LRRC9: variants seen among roughly 807,000 people sequenced by gnomAD.
LRRC9 encodes leucine rich repeat containing 9.
A neutral mutation model predicts 63.2 loss-of-function variants in LRRC9; 122 were observed. The ratio of observed to expected loss-of-function variants is 1.93; its 90% confidence interval spans 1.67 to 2.24. The LOEUF (loss-of-function observed/expected upper bound fraction) is 2.24, where lower values mean the gene tolerates loss of function less well. LRRC9 is among the 30% of genes most tolerant of loss of function. The pLI, the probability that LRRC9 is intolerant of heterozygous loss-of-function variation, is 0.00. For missense variants in LRRC9, 1,071 were observed against 627.7 expected, an observed-to-expected ratio of 1.71 and a Z score of -7.55; for synonymous variants, 366 against 213.1, an observed-to-expected ratio of 1.72 and a Z score of -6.25.
In LRRC9 at chr14:59,966,655, T is replaced by A. The variant is rs1884886871; in HGVS notation, c.1278T>A (p.Ile426=). 1 of 698,300 alleles carries A rather than the reference T, an allele frequency of 1.4e-6. No individual in the cohort carries two copies. The highest frequency in any genetic ancestry group is 1.8e-5 in the African/African-American group (1 of 57,036). 43.3% of individuals were successfully genotyped at this position (698,300 alleles called of 1,614,324 possible). Residue 426 remains isoleucine, a synonymous_variant, in exon 11 of 32, where the codon ATT becomes ATA. Transcript: ENST00000445360. The surrounding 1 kb of genome is among the most constrained non-coding windows in gnomAD (Gnocchi z 4.0). ...CCTGGGACTTCAGAACATACGGTAT[T>A]ACAGGAGTAAAAGTAAAACGCATCA... is the stretch of plus-strand genomic sequence containing the variant.
At chr14:59,952,969 C>T (rs1883336336) in intron 8 of LRRC9, among the ~76,000 whole-genome samples, 1 of 152,188 alleles carries the variant, frequency 6.6e-6, no homozygotes, top group Non-Finnish European at 1.5e-5. Context: ...TCATCCATGT[C>T]CCTGCAAAGG....
rs1448644230 is a variant in LRRC9, at chr14:59,930,148, C to G, written c.268-770C>G. Among the ~76,000 whole-genome samples, 1 of 152,014 alleles carries G rather than the reference C, an allele frequency of 6.6e-6. No individual in the cohort carries two copies. The highest frequency in any genetic ancestry group is 6.6e-5 in the Admixed American group (1 of 15,228). On this transcript the variant is annotated intron_variant, in intron 3 of 31. Coordinates refer to ENST00000445360, the Ensembl canonical transcript of LRRC9. This position sits in a 1 kb window ranked among gnomAD's most constrained non-coding sequence, Gnocchi z 4.9. ...GGGATTAAAACATAAACATATTCTACTTTTTAGTAATCAAATCATAACCAG... is the reference window on the plus strand; with the variant it reads ...GGGATTAAAACATAAACATATTCTAGTTTTTAGTAATCAAATCATAACCAG...
chr14:59,990,077 AC>A lies in LRRC9; in HGVS notation c.2211+4855del, dbSNP rs1417229616. Among the ~76,000 whole-genome samples the A allele has an allele frequency of 6.6e-6, 1 of 151,972 alleles. No individual in the cohort carries two copies. The highest frequency in any genetic ancestry group is 1.5e-5 in the Non-Finnish European group (1 of 67,992). The stretch of plus-strand genomic sequence containing the variant: ...CGACTAGATGGGATTACAGGTGCAC[AC>A]CACCACACCCAGCTAACTTTGTATT... On this transcript the variant is annotated intron_variant, in intron 17 of 31. Transcript: ENST00000445360. This position sits in a 1 kb window ranked among gnomAD's most constrained non-coding sequence, Gnocchi z 4.2.
At chr14:59,926,661 TAC>T (rs1365327350) in intron 1 of LRRC9, among the ~76,000 whole-genome samples, 9 of 152,204 alleles carry the variant, frequency 5.9e-5, no homozygotes, top group Non-Finnish European at 1.5e-5. Context: ...CTTCTAACAC[TAC>T]AGTTTGTTTT....
At chr14:60,057,180 C>T (rs1019208745) in intron 30 of LRRC9, among the ~76,000 whole-genome samples, 26 of 152,092 alleles carry the variant, frequency 1.7e-4, no homozygotes, top group African/African-American at 6.0e-4. Flanking sequence ...TCAGAATTCA[C>T]ACATATAAAC....
intron 30 of LRRC9, among the ~76,000 whole-genome samples, chr14:60,055,477 T>C (rs1308874583): frequency 2.0e-5 from 3 of 152,222 alleles, no homozygotes; most frequent in Non-Finnish European, 4.4e-5. Context: ...ATGCCACCTG[T>C]ATTAGTTTCA....
chr14:59,941,520 AATAAGT>A lies in LRRC9; in HGVS notation c.726+2956_726+2961del, dbSNP rs917029827. On this transcript the variant is annotated intron_variant, in intron 7 of 31. Coordinates refer to ENST00000445360, the Ensembl canonical transcript of LRRC9. The stretch of plus-strand genomic sequence containing the variant: ...TAATAAAGATGTTTTGGGATAATTA[AATAAGT>A]ATAAGTAAGTTTAGTAAGTATTATG... Among the ~76,000 whole-genome samples, 64 of 152,066 alleles carry A rather than the reference AATAAGT, an allele frequency of 4.2e-4. 1 individual carries two copies. Among genetic ancestry groups the A allele is most frequent in the African/African-American group, 1.3e-3 (54 of 41,546 alleles).
chr14:59,997,701 C>G lies in LRRC9; in HGVS notation c.2257C>G (p.Leu753Val), dbSNP rs894509201. Residue 753 changes from leucine (L) to valine (V), a missense_variant, in exon 18 of 32, where the codon CTT becomes GTT. By Grantham distance (32) the Leu-to-Val change is conservative (BLOSUM62 1). Transcript: ENST00000445360. ...TGCAAGCCATAACCATGTGATAACC[C>G]TTGAGGGATTTAGAGGTCTGATGAA... The G allele has an allele frequency of 2.4e-5, 17 of 702,158 alleles. No individual in the cohort carries two copies. In the African/African-American group the frequency reaches 2.8e-4, roughly 12 times the overall value. The allele number at this position is 702,158 out of a possible 1,614,324, so 43.5% of individuals were successfully genotyped here.
chr14:59,960,869 T>C (rs760270853), intron 9 of LRRC9, 45 bp from the exon 10 acceptor site: 3 of 530,652 alleles, frequency 5.7e-6, no homozygotes, highest in Non-Finnish European at 1.0e-5. Context: ...AATGTTGCGA[T>C]TTTTAGATCA....
intron 12 of LRRC9, among the ~76,000 whole-genome samples, chr14:59,971,222 G>A (rs1594902495): frequency 2.0e-5 from 3 of 152,100 alleles, no homozygotes; most frequent in South Asian, 4.1e-4. Context: ...CAGCTTTGTT[G>A]AAAATGAAAT....
At chr14:59,945,310 C>T (rs1034007867) in intron 8 of LRRC9, among the ~76,000 whole-genome samples, 6 of 151,822 alleles carry the variant, frequency 4.0e-5, no homozygotes, top group African/African-American at 7.2e-5. Context: ...TAACTCAAAA[C>T]GGAATCTTGT....
In LRRC9 at chr14:59,951,988, C is replaced by T. The variant is rs1235057803; in HGVS notation, c.882+7244C>T. Among the ~76,000 whole-genome samples, 11 of 151,942 alleles carry T rather than the reference C, an allele frequency of 7.2e-5. No homozygotes were observed. The East Asian group carries it at 1.4e-3, about 19-fold the overall frequency. On this transcript the variant is annotated intron_variant, in intron 8 of 31. Coordinates refer to ENST00000445360, the Ensembl canonical transcript of LRRC9. ...GCCCTGCCCCCAGAGGTGGAGCCTA[C>T]AGAGGCAGGCAGGCCTCCTTGAGCT... is the stretch of plus-strand genomic sequence containing the variant.
intron 8 of LRRC9, among the ~76,000 whole-genome samples, chr14:59,949,056 A>G (rs1201098131): frequency 2.9e-5 from 3 of 103,340 alleles, no homozygotes; most frequent in Non-Finnish European, 3.9e-5. Context: ...CTCTTTTTCT[A>G]TTGATTGGAA....
At chr14:60,026,690 G>A (rs1891581642) in intron 27 of LRRC9, among the ~76,000 whole-genome samples, 1 of 151,910 alleles carries the variant, frequency 6.6e-6, no homozygotes, top group Non-Finnish European at 1.5e-5. Context: ...TGAGAGATAG[G>A]GGTCAAGTTT....
At position 59,986,610 on chromosome 14, in the gene LRRC9, A is replaced by T. The variant is rs1887498980; in HGVS notation, c.2211+1386A>T. 6.6e-6 allele frequency among the ~76,000 whole-genome samples: 1 copy of T among 152,032 alleles called. No homozygotes were observed. Among genetic ancestry groups the T allele is most frequent in the Non-Finnish European group, 1.5e-5 (1 of 67,984 alleles). ...TTGGTATTTTTATTTTTTTCTATTT[A>T]TTTGCCAGCACTTCCAAAATTACGA... is the stretch of plus-strand genomic sequence containing the variant. On this transcript the variant is annotated intron_variant, in intron 17 of 31. Transcript: ENST00000445360. This position sits in a 1 kb window ranked among gnomAD's most constrained non-coding sequence, Gnocchi z 4.7.
chr14:59,996,198 TG>T (rs1360270237), intron 17 of LRRC9, among the ~76,000 whole-genome samples: 1 of 152,070 alleles, frequency 6.6e-6, no homozygotes, highest in East Asian at 1.9e-4. Context: ...TACTTAAAGG[TG>T]TTTTTTTTTT....
chr14:60,034,441 G>A (rs997943715), intron 29 of LRRC9, among the ~76,000 whole-genome samples: 1 of 151,938 alleles, frequency 6.6e-6, no homozygotes, highest in African/African-American at 2.4e-5. Flanking sequence ...TAAATGTCCA[G>A]TTTAGTGGAA....
At chr14:60,050,097 AGTGATT>A (rs533865507) in intron 29 of LRRC9, among the ~76,000 whole-genome samples, 3,164 of 152,210 alleles carry the variant, frequency 0.021, 60 homozygotes, top group South Asian at 0.05. Context: ...CCTGGGTTCA[AGTGATT>A]CTCCTGCCTC....
chr14:59,998,362 T>G (rs1889014486), intron 18 of LRRC9, among the ~76,000 whole-genome samples: 1 of 152,044 alleles, frequency 6.6e-6, no homozygotes, highest in Admixed American at 6.6e-5. Flanking sequence ...CTCATAAACT[T>G]GCATTATAAA....
Sources: allele counts gnomAD v4.1 joint callset (sites outside exome capture counted in the v4.1 genomes callset), GRCh38; gene constraint gnomAD v4.1.1; non-coding constraint Gnocchi (gnomAD v3.1); transcripts MANE v1.5; gene names NCBI Gene and HGNC (gene_info 2026-07-23, HGNC 2026-07-21).